Variants in C1orf21 observed in about 807,000 individuals in gnomAD.
C1orf21 encodes uncharacterized protein C1orf21.
In C1orf21, 3 loss-of-function variants were observed where a neutral mutation model predicts 18.7. That is an observed-to-expected ratio of 0.16 (90% confidence interval 0.07 to 0.42). C1orf21 has a LOEUF of 0.42. Among genes scored for constraint, C1orf21 ranks in the 10% least tolerant of loss-of-function variants. The pLI, the probability that C1orf21 is intolerant of heterozygous loss-of-function variation, is 0.99. For synonymous variants in C1orf21, 41 were observed against 46.4 expected (o/e 0.88, Z 0.47); for missense variants, 104 against 143.6 (o/e 0.72, Z 1.41).
intron 1 of C1orf21, among the ~76,000 whole-genome samples, chr1:184,425,845 C>T (rs765215384): frequency 1.3e-5 from 2 of 152,206 alleles, no homozygotes; most frequent in African/African-American, 4.8e-5. Flanking sequence ...TATCTCAGTC[C>T]GCCTTGAATT....
intron 4 of C1orf21, among the ~76,000 whole-genome samples, chr1:184,595,232 G>C (rs552827446): frequency 6.6e-6 from 1 of 152,288 alleles, no homozygotes; most frequent in African/African-American, 2.4e-5. Context: ...TGAATCTTTT[G>C]TAAGTGAATC....
intron 3 of C1orf21, among the ~76,000 whole-genome samples, chr1:184,577,953 GTTTT>G (rs1257021237): frequency 9.2e-6 from 1 of 108,944 alleles, no homozygotes; most frequent in African/African-American, 3.3e-5. Flanking sequence ...TTTTGTTTTT[GTTTT>G]TTTTTTTTTT....
At chr1:184,421,538 T>C (rs1232423939) in intron 1 of C1orf21, among the ~76,000 whole-genome samples, 1 of 149,198 alleles carries the variant, frequency 6.7e-6, no homozygotes, top group Non-Finnish European at 1.5e-5. Flanking sequence ...TTTCAGATAA[T>C]TTTTAATATA....
intron 4 of C1orf21, among the ~76,000 whole-genome samples, chr1:184,591,661 C>T (rs1225051904): frequency 6.6e-6 from 1 of 151,912 alleles, no homozygotes; most frequent in Non-Finnish European, 1.5e-5. Flanking sequence ...AAAAACTTAG[C>T]CGGGCATGGT....
chr1:184,572,421 G>GT (rs1659125738), intron 3 of C1orf21, among the ~76,000 whole-genome samples: 1 of 152,170 alleles, frequency 6.6e-6, no homozygotes, highest in African/African-American at 2.4e-5. Flanking sequence ...TTGTAAGCAT[G>GT]TTTTCTGGAA....
intron 3 of C1orf21, among the ~76,000 whole-genome samples, chr1:184,586,285 C>CT (rs59964534): frequency 0.22 from 28,289 of 128,080 alleles, 4,398 homozygotes; most frequent in African/African-American, 0.4. Flanking sequence ...CTTTTGTCCA[C>CT]TTTTTTTTTT....
intron 1 of C1orf21, among the ~76,000 whole-genome samples, chr1:184,456,893 G>A (rs1657207142): frequency 6.6e-6 from 1 of 152,130 alleles, no homozygotes; most frequent in Admixed American, 6.5e-5. Flanking sequence ...CTCCAGGGGT[G>A]CTCAGTATAA....
rs138748730 is a variant in C1orf21 at position 184,432,726 on chromosome 1, C to T, written c.-124-44660C>T. On this transcript the variant is annotated intron_variant, in intron 1 of 5. Coordinates refer to ENST00000235307, the MANE Select transcript of C1orf21 (RefSeq NM_030806.4). ...TGTGAGGAAGAAGGAAAAATACAGC[C>T]CCATGTCCTTGCAAAATTTATAGGC... Among the ~76,000 whole-genome samples, 671 of 151,982 alleles carry T rather than the reference C, an allele frequency of 4.4e-3. 4 individuals are homozygous for T. Among genetic ancestry groups the T allele is most frequent in the Non-Finnish European group, 7.2e-3 (492 of 67,976 alleles).
chr1:184,447,317 T>TAAAAAGCAAA (rs1657049974), intron 1 of C1orf21, among the ~76,000 whole-genome samples: 1 of 152,226 alleles, frequency 6.6e-6, no homozygotes, highest in Non-Finnish European at 1.5e-5. Flanking sequence ...TTTTAGTTGT[T>TAAAAAGCAAA]AGGTTAATGC....
chr1:184,408,751 A>G (rs1325216040), intron 1 of C1orf21, among the ~76,000 whole-genome samples: 3 of 152,306 alleles, frequency 2.0e-5, no homozygotes, highest in Admixed American at 6.5e-5. Flanking sequence ...AGTGAAGGCA[A>G]TTCCCCTGAA....
intron 1 of C1orf21, among the ~76,000 whole-genome samples, chr1:184,448,377 T>C (rs1657063877): frequency 6.6e-6 from 1 of 152,100 alleles, no homozygotes; most frequent in Admixed American, 6.6e-5. Context: ...GGCCACCGCA[T>C]CTGGCTTATC....
intron 1 of C1orf21, among the ~76,000 whole-genome samples, chr1:184,388,674 A>G (rs918719616): frequency 5.9e-5 from 9 of 151,472 alleles, no homozygotes; most frequent in African/African-American, 2.2e-4. Flanking sequence ...TGGGGAAATG[A>G]CAAGTTCATT....
In C1orf21 at chr1:184,410,664, T is replaced by TAATATATATA. The variant is rs1553248058; in HGVS notation, c.-125+23296_-125+23297insAATATATATA. ...ATATATATATATATATATATATATA[T>TAATATATATA]TTTTTTTTTTTTTTTTTGAGATGGA... On this transcript the variant is annotated intron_variant, in intron 1 of 5. Coordinates refer to ENST00000235307, the MANE Select transcript of C1orf21 (RefSeq NM_030806.4). Among the ~76,000 whole-genome samples the TAATATATATA allele has an allele frequency of 1.0e-3, 3 of 3,012 alleles. No individual in the cohort carries two copies. The African/African-American group carries it at 0.013, about 13-fold the overall frequency. 2.0% of individuals were successfully genotyped at this position (3,012 alleles called of 152,430 possible).
At chr1:184,532,492 A>G (rs1199145441) in intron 3 of C1orf21, among the ~76,000 whole-genome samples, 1 of 152,104 alleles carries the variant, frequency 6.6e-6, no homozygotes, top group Non-Finnish European at 1.5e-5. Flanking sequence ...TGTCTGTAAT[A>G]CCAGCACTTT....
chr1:184,596,864 A>C (rs1659521315), intron 4 of C1orf21, among the ~76,000 whole-genome samples: 1 of 133,786 alleles, frequency 7.5e-6, no homozygotes, highest in Non-Finnish European at 1.5e-5. Flanking sequence ...GTGCGAGACG[A>C]CTCTGTCTCA....
At chr1:184,448,652 T>C (rs1657070074) in intron 1 of C1orf21, among the ~76,000 whole-genome samples, 2 of 152,196 alleles carry the variant, frequency 1.3e-5, no homozygotes, top group Admixed American at 6.5e-5. Flanking sequence ...AGAGACTCTT[T>C]TCCTTCTCTA....
intron 1 of C1orf21, among the ~76,000 whole-genome samples, chr1:184,395,143 C>T (rs749294119): frequency 3.9e-5 from 6 of 152,112 alleles, no homozygotes; most frequent in Non-Finnish European, 5.9e-5. Flanking sequence ...TGCTGTAATA[C>T]TTATTTTAGG....
chr1:184,431,319 T>A (rs1656759521), intron 1 of C1orf21, among the ~76,000 whole-genome samples: 1 of 152,072 alleles, frequency 6.6e-6, no homozygotes, highest in South Asian at 2.1e-4. Context: ...ACGCCACACA[T>A]CTACAACCAC....
intron 3 of C1orf21, among the ~76,000 whole-genome samples, chr1:184,518,286 G>A (rs917473335): frequency 6.6e-6 from 1 of 152,048 alleles, no homozygotes; most frequent in Non-Finnish European, 1.5e-5. Flanking sequence ...CAGAATACTG[G>A]GAGAATAAAA....
Sources: gnomAD v4.1 joint callset for allele counts (sites outside exome capture counted in the v4.1 genomes callset) on GRCh38, gnomAD v4.1.1 for gene constraint, MANE v1.5 for transcripts, NCBI Gene and HGNC (gene_info 2026-07-23, HGNC 2026-07-21) for gene names.